The following TTC39C variants were observed in gnomAD, a reference collection of about 807,000 sequenced individuals.
TTC39C encodes the protein tetratricopeptide repeat domain 39C.
In TTC39C, 33 loss-of-function variants were observed where a neutral mutation model predicts 76.3. The ratio of observed to expected loss-of-function variants is 0.43; its 90% CI spans 0.33 to 0.58. The LOEUF is 0.58. Ranked by LOEUF, TTC39C falls within the 20% of genes least tolerant of loss-of-function variation. The probability of loss-of-function intolerance (pLI) is 0.04; values close to 1 mark genes in which losing one functional copy is unlikely to be tolerated. For synonymous variants in TTC39C, 254 were observed against 260.6 expected, an observed-to-expected ratio of 0.97 and a Z score of 0.24; for missense variants, 595 against 701.4, an observed-to-expected ratio of 0.85 and a Z score of 1.71.
At position 24,101,474 on chromosome 18, in the gene TTC39C, G is replaced by A. The variant is rs138681291; in HGVS notation, c.985-13080G>A. 2.4e-3 allele frequency among the ~76,000 whole-genome samples: 365 copies of A among 151,942 alleles called. 1 individual carries two copies. The highest frequency in any genetic ancestry group is 8.5e-3 in the African/African-American group (354 of 41,422). Reference sequence around the variant, plus strand: ...CTCAGAAAGCTGAGGCAGGAGAATCGCTTGAACCCAGGAGGTGGAGGTCGC... The same window carrying A: ...CTCAGAAAGCTGAGGCAGGAGAATCACTTGAACCCAGGAGGTGGAGGTCGC... On this transcript the variant is annotated intron_variant, in intron 6 of 13. Coordinates refer to ENST00000317571, the MANE Select transcript of TTC39C (RefSeq NM_001135993.2).
chr18:24,102,927 C>T (rs1367030956), intron 6 of TTC39C, among the ~76,000 whole-genome samples: 4 of 152,054 alleles, frequency 2.6e-5, no homozygotes, highest in African/African-American at 7.2e-5. Flanking sequence ...GACAACATGG[C>T]GAAACCCTGT....
At chr18:24,131,400 GA>G (rs2085127400) in intron 12 of TTC39C, among the ~76,000 whole-genome samples, 1 of 151,872 alleles carries the variant, frequency 6.6e-6, no homozygotes, top group Non-Finnish European at 1.5e-5. Context: ...TCATGTAAAT[GA>G]GTAAACATCT....
chr18:24,085,477 G>C (rs147821005), intron 6 of TTC39C, among the ~76,000 whole-genome samples: 1 of 152,122 alleles, frequency 6.6e-6, no homozygotes, highest in African/African-American at 2.4e-5. Flanking sequence ...ACTTTGACAT[G>C]GTTTTAGTTT....
intron 1 of TTC39C, among the ~76,000 whole-genome samples, chr18:24,030,783 T>TG (rs1352518011): frequency 6.6e-6 from 1 of 150,634 alleles, no homozygotes; most frequent in African/African-American, 2.4e-5. Context: ...GCCTCCTGAG[T>TG]AGCTGGGATC....
chr18:24,115,378 G>A lies in TTC39C; in HGVS notation c.1078+731G>A, dbSNP rs371582425. Among the ~76,000 whole-genome samples the A allele has an allele frequency of 3.3e-5, 5 of 152,260 alleles. No individual in the cohort carries two copies. The East Asian group carries it at 9.6e-4, about 29-fold the overall frequency. The stretch of plus-strand genomic sequence containing the variant: ...TGTAACAGTTTCTCCATTGTGCTGG[G>A]AAGAGTAAACACAACTTTGAACTTG... On this transcript the variant is annotated intron_variant, in intron 7 of 13. Transcript: ENST00000317571.
At chr18:24,059,062 G>T (rs1409612545) in intron 1 of TTC39C, among the ~76,000 whole-genome samples, 1 of 152,058 alleles carries the variant, frequency 6.6e-6, no homozygotes, top group Admixed American at 6.5e-5. Flanking sequence ...CCAGTCTGTG[G>T]TTTGCTTTTT....
chr18:24,028,654 T>C (rs1202264109), intron 1 of TTC39C, among the ~76,000 whole-genome samples: 1 of 152,226 alleles, frequency 6.6e-6, no homozygotes, highest in Non-Finnish European at 1.5e-5. Context: ...ATGAAGAATG[T>C]TTCTAGCTTC....
intron 1 of TTC39C, among the ~76,000 whole-genome samples, chr18:24,002,113 T>C (rs2083318287): frequency 6.6e-6 from 1 of 152,100 alleles, no homozygotes; most frequent in Non-Finnish European, 1.5e-5. Context: ...TCTCACCCAT[T>C]GTGTGTGGTC....
chr18:24,066,247 G>T (rs2084165319), intron 3 of TTC39C, 107 bp downstream of exon 3: 2 of 1,388,656 alleles, frequency 1.4e-6, no homozygotes, highest in Non-Finnish European at 9.6e-7. Context: ...TTTAGAATAT[G>T]ACTGAAAAAC....
chr18:24,125,028 G>A (rs1430102009), intron 9 of TTC39C, among the ~76,000 whole-genome samples: 2 of 152,200 alleles, frequency 1.3e-5, no homozygotes, highest in African/African-American at 4.8e-5. Flanking sequence ...GAGTAGCTGG[G>A]ATTACAGGCA....
At chr18:24,111,084 G>A (rs1282152894) in intron 6 of TTC39C, among the ~76,000 whole-genome samples, 1 of 151,536 alleles carries the variant, frequency 6.6e-6, no homozygotes, top group Non-Finnish European at 1.5e-5. Flanking sequence ...TCCACCTCTC[G>A]GGTTCAAGTG....
At chr18:24,005,920 C>A (rs1049296486) in intron 1 of TTC39C, among the ~76,000 whole-genome samples, 1 of 151,904 alleles carries the variant, frequency 6.6e-6, no homozygotes, top group Admixed American at 6.6e-5. Flanking sequence ...GTTATGCAAC[C>A]AATCACCACT....
At chr18:24,045,243 T>TGGG (rs1178114617) in intron 1 of TTC39C, among the ~76,000 whole-genome samples, 1 of 116,914 alleles carries the variant, frequency 8.6e-6, no homozygotes, top group Non-Finnish European at 1.6e-5. Context: ...CACTCCAGCC[T>TGGG]GGGTGACAGA....
At chr18:24,091,763 C>A (rs1479847045) in intron 6 of TTC39C, among the ~76,000 whole-genome samples, 1 of 152,002 alleles carries the variant, frequency 6.6e-6, no homozygotes, top group Non-Finnish European at 1.5e-5. Context: ...AGAACTGTTA[C>A]AACTCAATAA....
At chr18:24,027,009 C>T (rs189214192) in intron 1 of TTC39C, among the ~76,000 whole-genome samples, 13 of 152,240 alleles carry the variant, frequency 8.5e-5, no homozygotes, top group Admixed American at 2.6e-4. Context: ...ATTAAGAAAT[C>T]GGCTGGGCAC....
intron 4 of TTC39C, among the ~76,000 whole-genome samples, chr18:24,073,532 CT>C (rs10711494): frequency 0.42 from 63,275 of 149,040 alleles, 15,275 homozygotes; most frequent in Non-Finnish European, 0.55. Context: ...AATCCTGGTT[CT>C]TTTTTTTTTT....
At chr18:23,997,830 C>T (rs1264293669) in intron 1 of TTC39C, among the ~76,000 whole-genome samples, 2 of 150,758 alleles carry the variant, frequency 1.3e-5, no homozygotes, top group African/African-American at 2.4e-5. Context: ...GCTGTGATTG[C>T]GCCACTGCAT....
At chr18:24,047,447 ATGGTTATACAACCCAGTTATTCAACTTT>A (rs1321961468) in intron 1 of TTC39C, among the ~76,000 whole-genome samples, 2 of 152,316 alleles carry the variant, frequency 1.3e-5, no homozygotes, top group Non-Finnish European at 2.9e-5. Flanking sequence ...TGGGGGTTTT[ATGGTTATACAACCCAGTTATTCAACTTT>A]AATGTGTATT....
At chr18:24,081,751 T>C (rs1568430629) in intron 5 of TTC39C, among the ~76,000 whole-genome samples, 1 of 152,184 alleles carries the variant, frequency 6.6e-6, no homozygotes, top group African/African-American at 2.4e-5. Flanking sequence ...CCATTAATTT[T>C]TCATTTAAAA....
Sources: allele counts gnomAD v4.1 joint callset (sites outside exome capture counted in the v4.1 genomes callset), GRCh38; gene constraint gnomAD v4.1.1; transcripts MANE v1.5; gene names NCBI Gene and HGNC (gene_info 2026-07-23, HGNC 2026-07-21).